The following ERBB4 variants were observed in gnomAD, a reference collection of about 807,000 sequenced individuals.
ERBB4 encodes receptor tyrosine-protein kinase erbB-4.
In ERBB4, 42 loss-of-function variants were observed where a neutral mutation model predicts 158.0. That is an observed-to-expected ratio of 0.27 (90% CI 0.21 to 0.34). The LOEUF is 0.34. ERBB4 is among the 10% of genes least tolerant of loss of function. The pLI is 1.00. For missense variants in ERBB4, 1,333 were observed against 1,624.1 expected, an observed-to-expected ratio of 0.82 and a Z score of 3.08; for synonymous variants, 583 against 558.7, an observed-to-expected ratio of 1.04 and a Z score of -0.61.
intron 20 of ERBB4, among the ~76,000 whole-genome samples, chr2:211,554,742 G>C (rs1428302253): frequency 6.6e-6 from 1 of 152,178 alleles, no homozygotes; most frequent in Non-Finnish European, 1.5e-5. Context: ...TCCTGACTTT[G>C]TGTAGAGAAA....
At chr2:211,643,252 G>A (rs2070665771) in intron 16 of ERBB4, among the ~76,000 whole-genome samples, 1 of 152,114 alleles carries the variant, frequency 6.6e-6, no homozygotes, top group African/African-American at 2.4e-5. Flanking sequence ...GAAAAGAACA[G>A]GTAGAGCTGA....
chr2:212,297,362 T>C (rs369565779), intron 1 of ERBB4, among the ~76,000 whole-genome samples: 7 of 59,012 alleles, frequency 1.2e-4, no homozygotes, highest in African/African-American at 2.0e-4. Context: ...TCTTCATCCC[T>C]AGCCAAAATT....
chr2:212,456,227 CATAAA>C (rs1473327294), intron 1 of ERBB4, among the ~76,000 whole-genome samples: 8 of 151,964 alleles, frequency 5.3e-5, no homozygotes, highest in Admixed American at 1.3e-4. Flanking sequence ...AACTCCCTAA[CATAAA>C]ATAAAATTGG....
intron 10 of ERBB4, among the ~76,000 whole-genome samples, chr2:211,705,105 C>T (rs1363946198): frequency 2.6e-5 from 4 of 152,040 alleles, no homozygotes; most frequent in African/African-American, 4.8e-5. Context: ...TACAGGCACG[C>T]GCCACCACAC....
At chr2:211,973,773 C>T (rs559446769) in intron 2 of ERBB4, among the ~76,000 whole-genome samples, 1 of 152,252 alleles carries the variant, frequency 6.6e-6, no homozygotes, top group South Asian at 2.1e-4. Context: ...TATAATAGCA[C>T]ATGCATGTGT....
intron 3 of ERBB4, among the ~76,000 whole-genome samples, chr2:211,876,730 G>A (rs572826713): frequency 1.7e-4 from 26 of 152,126 alleles, no homozygotes; most frequent in African/African-American, 3.4e-4. Context: ...TGCAGGCAAC[G>A]GGAATACTTT....
intron 1 of ERBB4, among the ~76,000 whole-genome samples, chr2:212,200,864 A>G (rs2082569432): frequency 1.3e-5 from 2 of 152,188 alleles, no homozygotes; most frequent in Non-Finnish European, 2.9e-5. Flanking sequence ...AGCATTCCAC[A>G]TACCTATAAT....
At chr2:211,772,924 CATATATATATATAT>C (rs1159274288) in intron 4 of ERBB4, among the ~76,000 whole-genome samples, 1 of 36,738 alleles carries the variant, frequency 2.7e-5, no homozygotes, top group Non-Finnish European at 4.6e-5. Flanking sequence ...CACACACACA[CATATATATATATAT>C]ATATATATAT....
At chr2:211,806,374 C>T (rs1363755367) in intron 3 of ERBB4, among the ~76,000 whole-genome samples, 1 of 152,126 alleles carries the variant, frequency 6.6e-6, no homozygotes, top group Non-Finnish European at 1.5e-5. Flanking sequence ...ATTCTAAACC[C>T]AGTCGCCATT....
At chr2:211,676,647 G>A (rs1031485790) in intron 13 of ERBB4, among the ~76,000 whole-genome samples, 7 of 152,114 alleles carry the variant, frequency 4.6e-5, no homozygotes, top group African/African-American at 7.2e-5. Flanking sequence ...ATAGTGTTGC[G>A]AGTTCAGCCC....
chr2:211,716,175 C>G (rs2073891148), intron 7 of ERBB4, among the ~76,000 whole-genome samples: 1 of 148,378 alleles, frequency 6.7e-6, no homozygotes, highest in Admixed American at 6.8e-5. Context: ...CCAGCCTGAC[C>G]AACATGGAGA....
chr2:212,373,002 T>C (rs1320569314), intron 1 of ERBB4, among the ~76,000 whole-genome samples: 3 of 152,090 alleles, frequency 2.0e-5, no homozygotes, highest in Non-Finnish European at 2.9e-5. Context: ...GTATAGAAAA[T>C]AGAAGAAACT....
chr2:212,031,513 A>G (rs1197450108), intron 2 of ERBB4, among the ~76,000 whole-genome samples: 3 of 152,172 alleles, frequency 2.0e-5, no homozygotes, highest in Non-Finnish European at 2.9e-5. Context: ...CCACAAAGCC[A>G]GAGATTCTGG....
Position 211,413,309 on chromosome 2 carries a change from AACACACACACAC to A in ERBB4, c.3135+7120_3135+7131del, listed in dbSNP as rs36108369. 4.6e-3 allele frequency among the ~76,000 whole-genome samples: 435 copies of A among 94,574 alleles called. 20 individuals carry two copies. Among genetic ancestry groups the A allele is most frequent in the African/African-American group, 0.015 (392 of 26,048 alleles). 62.0% of individuals were successfully genotyped at this position (94,574 alleles called of 152,430 possible). ...GGACAGAGAGAGACCCTGTCTTAAAAACACACACACACACACACACACACACACACACACACA... is the reference window on the plus strand; with the variant it reads ...GGACAGAGAGAGACCCTGTCTTAAAAACACACACACACACACACACACACA... On this transcript the variant is annotated intron_variant, in intron 25 of 27. Transcript: ENST00000342788.
chr2:211,617,969 T>C (rs2069456534), intron 19 of ERBB4, among the ~76,000 whole-genome samples: 1 of 152,036 alleles, frequency 6.6e-6, no homozygotes, highest in Non-Finnish European at 1.5e-5. Context: ...GCATGATAAA[T>C]ACATAATTTT....
chr2:212,064,088 T>C (rs922465876), intron 2 of ERBB4, among the ~76,000 whole-genome samples: 4 of 152,082 alleles, frequency 2.6e-5, no homozygotes, highest in African/African-American at 9.7e-5. Flanking sequence ...AAAGAATCTT[T>C]CCTGGGAAAG....
chr2:212,208,707 G>A (rs1371829772), intron 1 of ERBB4, among the ~76,000 whole-genome samples: 1 of 152,124 alleles, frequency 6.6e-6, no homozygotes, highest in Non-Finnish European at 1.5e-5. Context: ...GTCAGGCAAG[G>A]AGAAACTGCC....
At chr2:211,465,043 A>G (rs375853169) in intron 20 of ERBB4, among the ~76,000 whole-genome samples, 15 of 149,964 alleles carry the variant, frequency 1.0e-4, no homozygotes, top group African/African-American at 3.7e-4. Flanking sequence ...GTGCTGTGAC[A>G]TGATGATAGC....
At chr2:212,298,519 C>G (rs964279548) in intron 1 of ERBB4, among the ~76,000 whole-genome samples, 1 of 151,636 alleles carries the variant, frequency 6.6e-6, no homozygotes, top group African/African-American at 2.4e-5. Context: ...CAGCCCCTGT[C>G]AAGTCTGCAG....
Sources: allele counts gnomAD v4.1 joint callset (sites outside exome capture counted in the v4.1 genomes callset), GRCh38; gene constraint gnomAD v4.1.1; transcripts MANE v1.5; gene names NCBI Gene and HGNC (gene_info 2026-07-23, HGNC 2026-07-21).